Variants in CSMD1 observed in about 807,000 individuals in gnomAD.
The protein encoded by CSMD1 is CUB and Sushi multiple domains 1, also known as CUB and sushi domain-containing protein 1.
CSMD1 carries 213 observed loss-of-function variants against 417.5 expected under a neutral mutation model. That is an observed-to-expected ratio of 0.51 (90% confidence interval 0.46 to 0.57). The LOEUF is 0.57. Ranked by LOEUF, CSMD1 falls within the 20% of genes least tolerant of loss-of-function variation. CSMD1 has a pLI of 0.00. For synonymous variants in CSMD1, 2,862 were observed against 1,736.8 expected, an observed-to-expected ratio of 1.65 and a Z score of -16.11; for missense variants, 6,923 against 4,529.7, an observed-to-expected ratio of 1.53 and a Z score of -15.17.
chr8:4,160,441 T>C (rs1264008427), intron 3 of CSMD1, among the ~76,000 whole-genome samples: 3 of 152,180 alleles, frequency 2.0e-5, no homozygotes, highest in Admixed American at 1.3e-4. Flanking sequence ...GAATAAAGAA[T>C]ATATTTCAAT....
At chr8:3,350,270 A>G (rs1393925778) in intron 21 of CSMD1, among the ~76,000 whole-genome samples, 2 of 145,076 alleles carry the variant, frequency 1.4e-5, no homozygotes, top group African/African-American at 2.5e-5. Context: ...ATAATAACCT[A>G]TAATAACTTG....
intron 2 of CSMD1, among the ~76,000 whole-genome samples, chr8:4,449,677 G>C (rs571612563): frequency 6.6e-6 from 1 of 152,100 alleles, no homozygotes; most frequent in Non-Finnish European, 1.5e-5. Flanking sequence ...GAGAGGAATG[G>C]GATGGGAAGA....
chr8:3,940,790 T>C (rs1400815324), intron 5 of CSMD1, among the ~76,000 whole-genome samples: 1 of 151,940 alleles, frequency 6.6e-6, no homozygotes, highest in Non-Finnish European at 1.5e-5. Context: ...TTTATTAAAA[T>C]ATTATTAAGA....
chr8:4,326,515 G>T (rs7018359), intron 3 of CSMD1, among the ~76,000 whole-genome samples: 1 of 152,010 alleles, frequency 6.6e-6, no homozygotes, highest in Admixed American at 6.6e-5. Flanking sequence ...CCATAAACGA[G>T]AGGTAGTGCA....
At chr8:4,969,994 C>T (rs996811350) in intron 1 of CSMD1, among the ~76,000 whole-genome samples, 1 of 149,138 alleles carries the variant, frequency 6.7e-6, no homozygotes, top group Non-Finnish European at 1.5e-5. Context: ...TTCCATGGTC[C>T]GTATATTAAT....
intron 3 of CSMD1, among the ~76,000 whole-genome samples, chr8:4,084,909 A>T (rs931461593): frequency 6.6e-6 from 1 of 151,944 alleles, no homozygotes; most frequent in Non-Finnish European, 1.5e-5. Context: ...AAAAAACAAA[A>T]ACAAAAACAA....
intron 3 of CSMD1, among the ~76,000 whole-genome samples, chr8:4,069,243 A>T (rs905594957): frequency 6.6e-6 from 1 of 152,168 alleles, no homozygotes; most frequent in African/African-American, 2.4e-5. Context: ...GAAAATCAAA[A>T]ATTTTGGTAA....
At chr8:3,453,822 T>C (rs999038892) in intron 12 of CSMD1, among the ~76,000 whole-genome samples, 1 of 152,220 alleles carries the variant, frequency 6.6e-6, no homozygotes, top group Non-Finnish European at 1.5e-5. Flanking sequence ...TAGATGTCTA[T>C]TAGATCTGCT....
At chr8:3,222,064 A>G (rs1563156994) in intron 28 of CSMD1, among the ~76,000 whole-genome samples, 1 of 152,098 alleles carries the variant, frequency 6.6e-6, no homozygotes. Context: ...CTGCTTGAGC[A>G]CATGCAAACT....
At chr8:3,568,046 T>C (rs1409553676) in intron 10 of CSMD1, among the ~76,000 whole-genome samples, 1 of 152,174 alleles carries the variant, frequency 6.6e-6, no homozygotes, top group Non-Finnish European at 1.5e-5. Flanking sequence ...TAGAATTACA[T>C]GTGCTTCAGA....
intron 5 of CSMD1, among the ~76,000 whole-genome samples, chr8:3,929,747 A>C (rs534019470): frequency 1.3e-5 from 2 of 149,350 alleles, no homozygotes; most frequent in African/African-American, 5.0e-5. Flanking sequence ...CTGCAACCTC[A>C]GCCTCCTGGA....
chr8:3,123,307 CA>C (rs995746454), intron 41 of CSMD1, among the ~76,000 whole-genome samples: 1 of 152,154 alleles, frequency 6.6e-6, no homozygotes, highest in Non-Finnish European at 1.5e-5. Flanking sequence ...CTGAAGTCCA[CA>C]AAAACAGCCT....
intron 2 of CSMD1, among the ~76,000 whole-genome samples, chr8:4,529,864 G>A (rs946491649): frequency 3.4e-5 from 5 of 147,118 alleles, no homozygotes; most frequent in African/African-American, 1.3e-4. Context: ...TGCCCATGCT[G>A]CTGCCATTGT....
intron 1 of CSMD1, among the ~76,000 whole-genome samples, chr8:4,816,862 A>G (rs1468861707): frequency 1.3e-5 from 2 of 152,134 alleles, no homozygotes; most frequent in Non-Finnish European, 2.9e-5. Context: ...AGCAAGTCAT[A>G]TGGGGGTCTC....
In CSMD1 at chr8:3,717,434, A is replaced by G. The variant is rs867030314; in HGVS notation, c.932-8943T>C. Among the ~76,000 whole-genome samples, 14 of 152,080 alleles carry G rather than the reference A, an allele frequency of 9.2e-5. No homozygotes were observed. The Middle Eastern group carries it at 0.014, about 148-fold the overall frequency. ...TTCTTTTCCATGAAATGCTTTTTTT[A>G]TCATTTATTGTAACTGTGAAATATT... On this transcript the variant is annotated intron_variant, in intron 6 of 69. Transcript: ENST00000635120.
At chr8:2,977,370 C>A (rs1399402200) in intron 55 of CSMD1, among the ~76,000 whole-genome samples, 2 of 152,190 alleles carry the variant, frequency 1.3e-5, no homozygotes, top group African/African-American at 4.8e-5. Context: ...TCTGTTCCTG[C>A]ATTAGTTTGC....
chr8:3,304,462 T>TTATG (rs1415630863), intron 25 of CSMD1, among the ~76,000 whole-genome samples: 6 of 152,180 alleles, frequency 3.9e-5, no homozygotes, highest in Non-Finnish European at 7.3e-5. Context: ...AAAATTGCAT[T>TTATG]TATGTTATTC....
intron 1 of CSMD1, among the ~76,000 whole-genome samples, chr8:4,766,221 C>T (rs1201819243): frequency 2.6e-5 from 4 of 152,118 alleles, no homozygotes; most frequent in Non-Finnish European, 4.4e-5. Flanking sequence ...TGTGCTGGTG[C>T]GTTGGCAACA....
intron 3 of CSMD1, among the ~76,000 whole-genome samples, chr8:4,045,946 C>T (rs780419125): frequency 6.6e-6 from 1 of 151,984 alleles, no homozygotes; most frequent in Non-Finnish European, 1.5e-5. Context: ...ACATCTAAGT[C>T]ATTCAAATCA....
Sources: allele counts gnomAD v4.1 joint callset (sites outside exome capture counted in the v4.1 genomes callset), GRCh38; gene constraint gnomAD v4.1.1; transcripts MANE v1.5; gene names NCBI Gene and HGNC (gene_info 2026-07-23, HGNC 2026-07-21).